CLVS1: variants seen among roughly 807,000 people sequenced by gnomAD.
CLVS1 encodes clavesin 1, also known as clavesin-1.
CLVS1 carries 10 observed loss-of-function variants against 33.1 expected under a neutral mutation model. That is an observed-to-expected ratio of 0.30 (90% CI 0.19 to 0.51). The LOEUF is 0.51. CLVS1 is among the 20% of genes least tolerant of loss of function. The probability of loss-of-function intolerance (pLI) is 0.97; values close to 1 mark genes in which losing one functional copy is unlikely to be tolerated. For missense variants in CLVS1, 343 were observed against 433.4 expected (o/e 0.79, Z 1.85); for synonymous variants, 163 against 166.1 (o/e 0.98, Z 0.14).
intron 2 of CLVS1, among the ~76,000 whole-genome samples, chr8:61,360,470 A>T (rs976225430): frequency 2.0e-5 from 3 of 152,158 alleles, no homozygotes; most frequent in Non-Finnish European, 2.9e-5. Flanking sequence ...TCAAAAACAC[A>T]AATATTACCT....
chr8:61,282,191 GT>G (rs1809683707), intron 2 of CLVS1, among the ~76,000 whole-genome samples: 1 of 152,196 alleles, frequency 6.6e-6, no homozygotes. Flanking sequence ...TTCTAAGAAA[GT>G]TTGAATGCAA....
chr8:61,304,984 C>G (rs1810570534), intron 2 of CLVS1, among the ~76,000 whole-genome samples: 1 of 152,066 alleles, frequency 6.6e-6, no homozygotes, highest in African/African-American at 2.4e-5. Context: ...AACTCTGAAC[C>G]CCGATGGCCA....
chr8:60,975,578 G>C, the CLVS1 span, among the ~76,000 whole-genome samples: 1 of 152,160 alleles, frequency 6.6e-6, no homozygotes, highest in Admixed American at 6.5e-5. Flanking sequence ...TGCAGGAAGA[G>C]GCAAGGCAGT....
chr8:61,196,572 G>A (rs1382013906), intron 2 of CLVS1, among the ~76,000 whole-genome samples: 2 of 152,198 alleles, frequency 1.3e-5, no homozygotes, highest in Non-Finnish European at 2.9e-5. Context: ...GAAGGATATT[G>A]TCAGGGTTAC....
intron 3 of CLVS1, among the ~76,000 whole-genome samples, chr8:61,384,668 G>A (rs917667490): frequency 6.6e-6 from 1 of 152,058 alleles, no homozygotes; most frequent in African/African-American, 2.4e-5. Flanking sequence ...AAGATACTGT[G>A]GATATCTTCA....
chr8:61,042,571 T>TTGGTGGAAGGTAGATAGTTAGCTTTCA, the CLVS1 span, among the ~76,000 whole-genome samples: 1 of 151,350 alleles, frequency 6.6e-6, no homozygotes, highest in African/African-American at 2.4e-5. Flanking sequence ...ACTCTGTTAT[T>TTGGTGGAAGGTAGATAGTTAGCTTTCA]GCCCACCTCC....
chr8:61,225,352 T>C (rs78853795), intron 2 of CLVS1, among the ~76,000 whole-genome samples: 4,873 of 152,166 alleles, frequency 0.032, 126 homozygotes, highest in Non-Finnish European at 0.046. Flanking sequence ...AAAAAAAGAA[T>C]GTAAAAGTTT....
the CLVS1 span, among the ~76,000 whole-genome samples, chr8:61,039,833 C>G: frequency 1.3e-5 from 2 of 152,216 alleles, no homozygotes; most frequent in Non-Finnish European, 1.5e-5. Flanking sequence ...AACCACTGAG[C>G]CCAGCCTAAT....
At chr8:61,345,638 ATGTG>A (rs1004446368) in intron 2 of CLVS1, among the ~76,000 whole-genome samples, 5,906 of 130,408 alleles carry the variant, frequency 0.045, 148 homozygotes, top group South Asian at 0.091. Flanking sequence ...GTGTGTGTGT[ATGTG>A]TGTGTGTGTG....
intron 2 of CLVS1, among the ~76,000 whole-genome samples, chr8:61,194,627 C>T (rs4033599): frequency 6.6e-6 from 1 of 151,794 alleles, no homozygotes; most frequent in African/African-American, 2.4e-5. Flanking sequence ...TAACATACAT[C>T]TTTCAAAAGT....
chr8:61,462,903 T>C, intron 5 of CLVS1, among the ~76,000 whole-genome samples: 1 of 152,184 alleles, frequency 6.6e-6, no homozygotes, highest in Non-Finnish European at 1.5e-5. Flanking sequence ...GCCTGTCCTT[T>C]GAGGCTTTGA....
the CLVS1 span, among the ~76,000 whole-genome samples, chr8:61,023,335 T>A: frequency 1.3e-5 from 2 of 152,244 alleles, no homozygotes; most frequent in Non-Finnish European, 2.9e-5. Flanking sequence ...TGTGTAATTA[T>A]TCTGTCCTCA....
intron 2 of CLVS1, among the ~76,000 whole-genome samples, chr8:61,164,831 G>A (rs1806825030): frequency 6.6e-6 from 1 of 152,124 alleles, no homozygotes; most frequent in Non-Finnish European, 1.5e-5. Flanking sequence ...CACTCCATGT[G>A]TGTCCATGTC....
chr8:61,188,018 T>C (rs1249310852), intron 2 of CLVS1, among the ~76,000 whole-genome samples: 1 of 152,078 alleles, frequency 6.6e-6, no homozygotes, highest in Admixed American at 6.6e-5. Context: ...AGTCCTGAGG[T>C]AATTCACTGA....
At chr8:61,385,432 G>A (rs1308022627) in intron 3 of CLVS1, among the ~76,000 whole-genome samples, 3 of 152,138 alleles carry the variant, frequency 2.0e-5, no homozygotes, top group African/African-American at 7.2e-5. Context: ...AGCAGCATTT[G>A]GCATTCTTGA....
At chr8:61,022,118 C>T in the CLVS1 span, among the ~76,000 whole-genome samples, 5 of 152,334 alleles carry the variant, frequency 3.3e-5, no homozygotes, top group East Asian at 9.6e-4. Flanking sequence ...CACATTCACA[C>T]GCACACACAC....
At chr8:61,301,959 G>T (rs111536163) in intron 2 of CLVS1, among the ~76,000 whole-genome samples, 4 of 152,266 alleles carry the variant, frequency 2.6e-5, no homozygotes, top group African/African-American at 9.6e-5. Context: ...CTTTCACAGA[G>T]ATATAATCAT....
chr8:61,336,495 C>T (rs1811810870), intron 2 of CLVS1, among the ~76,000 whole-genome samples: 1 of 152,162 alleles, frequency 6.6e-6, no homozygotes, highest in Non-Finnish European at 1.5e-5. Context: ...AGAGAAACCT[C>T]TGCCCGGCAC....
chr8:61,285,679 G>A (rs1475321520), upstream of CLVS1, among the ~76,000 whole-genome samples: 1 of 152,170 alleles, frequency 6.6e-6, no homozygotes, highest in Non-Finnish European at 1.5e-5. Flanking sequence ...TTTGAGTACA[G>A]GGGGAGTGCC....
Sources: gnomAD v4.1 joint callset for allele counts (sites outside exome capture counted in the v4.1 genomes callset) on GRCh38, gnomAD v4.1.1 for gene constraint, MANE v1.5 for transcripts, NCBI Gene and HGNC (gene_info 2026-07-23, HGNC 2026-07-21) for gene names.